The following LRRC7 variants were observed in gnomAD, a reference collection of about 807,000 sequenced individuals.
LRRC7 encodes leucine rich repeat containing 7.
LRRC7 carries 23 observed loss-of-function variants against 175.7 expected under a neutral mutation model. The observed-to-expected ratio is 0.13, with a 90% CI of 0.09 to 0.19. The LOEUF is 0.19. Ranked by LOEUF, LRRC7 falls within the 10% of genes least tolerant of loss-of-function variation. The pLI is 1.00. For missense variants in LRRC7, 1,354 were observed against 1,904.7 expected (o/e 0.71, Z 5.38); for synonymous variants, 685 against 680.9 (o/e 1.01, Z -0.09).
Position 70,139,537 on chromosome 1 carries a change from C to G in LRRC7, c.*17650C>G, listed in dbSNP as rs745342314. On this transcript the variant is annotated 3_prime_UTR_variant, in exon 27 of 27. Coordinates refer to ENST00000651989, the MANE Select transcript of LRRC7 (RefSeq NM_001370785.2). ...TAGCCCTACCCATTGCCCAGGTGGA[C>G]GTTATGTTTTTAGTTTTTCCTTTGT... 2 of 152,070 alleles carry G rather than the reference C, an allele frequency of 1.3e-5. No homozygotes were observed. Among genetic ancestry groups the G allele is most frequent in the Non-Finnish European group, 2.9e-5 (2 of 68,032 alleles). The allele number at this position is 152,070 out of a possible 1,614,324, so 9.4% of individuals were successfully genotyped here.
At chr1:69,730,613 A>G (rs961995752) in intron 2 of LRRC7, among the ~76,000 whole-genome samples, 4 of 152,160 alleles carry the variant, frequency 2.6e-5, no homozygotes, top group African/African-American at 9.7e-5. Flanking sequence ...AGGCAACTCC[A>G]AACTTTTCCA....
chr1:70,102,861 C>T (rs1664890517), intron 25 of LRRC7, among the ~76,000 whole-genome samples: 2 of 152,108 alleles, frequency 1.3e-5, no homozygotes, highest in Admixed American at 1.3e-4. Context: ...ATGGTGAACA[C>T]AGACAGGTAA....
chr1:69,972,651 C>T (rs560275361), intron 8 of LRRC7, among the ~76,000 whole-genome samples: 21 of 152,090 alleles, frequency 1.4e-4, no homozygotes, highest in Admixed American at 3.3e-4. Flanking sequence ...GAAAGGGAAA[C>T]GCTTTTACAC....
chr1:69,978,932 GAAAAAAA>G (rs3069189), intron 8 of LRRC7, among the ~76,000 whole-genome samples: 1 of 126,146 alleles, frequency 7.9e-6, no homozygotes, highest in African/African-American at 2.9e-5. Context: ...GTTTCAGTTA[GAAAAAAA>G]AAAAAAAAAA....
intron 3 of LRRC7, among the ~76,000 whole-genome samples, chr1:69,790,541 G>A (rs139082941): frequency 5.3e-5 from 8 of 151,994 alleles, no homozygotes; most frequent in African/African-American, 1.7e-4. Context: ...TCAGACTAGA[G>A]AGTTGTTAGT....
chr1:69,983,915 G>C (rs1217916515), intron 9 of LRRC7, among the ~76,000 whole-genome samples: 1 of 151,984 alleles, frequency 6.6e-6, no homozygotes, highest in Non-Finnish European at 1.5e-5. Flanking sequence ...GCAGATCTGG[G>C]GTGGGTCTGA....
chr1:69,609,192 T>C (rs1310416893), intron 1 of LRRC7, among the ~76,000 whole-genome samples: 5 of 151,790 alleles, frequency 3.3e-5, no homozygotes, highest in African/African-American at 1.2e-4. Flanking sequence ...AATTTGTTTA[T>C]TACAGTTCTT....
At chr1:69,933,933 C>G (rs1647670016) in intron 8 of LRRC7, among the ~76,000 whole-genome samples, 1 of 152,008 alleles carries the variant, frequency 6.6e-6, no homozygotes, top group Non-Finnish European at 1.5e-5. Flanking sequence ...TTTCTATTTT[C>G]TTACTTTTGC....
chr1:70,112,180 CA>C (rs1158244630), intron 26 of LRRC7, among the ~76,000 whole-genome samples: 3 of 152,266 alleles, frequency 2.0e-5, no homozygotes, highest in Middle Eastern at 6.8e-3. Flanking sequence ...CTACTGTCAA[CA>C]ATAAGTCTAT....
chr1:69,976,390 A>G (rs1185090556), intron 8 of LRRC7, among the ~76,000 whole-genome samples: 1 of 152,160 alleles, frequency 6.6e-6, no homozygotes. Flanking sequence ...CCTGCTTTAT[A>G]TTCGCTGGCA....
intron 1 of LRRC7, among the ~76,000 whole-genome samples, chr1:69,570,613 T>C (rs1393661046): frequency 2.0e-5 from 3 of 152,168 alleles, no homozygotes; most frequent in Non-Finnish European, 4.4e-5. Context: ...CGTCCAGGCT[T>C]CCTTGAATTG....
intron 7 of LRRC7, among the ~76,000 whole-genome samples, chr1:69,925,651 C>G (rs964456435): frequency 7.9e-5 from 12 of 152,114 alleles, no homozygotes; most frequent in African/African-American, 2.9e-4. Context: ...GTGATATCCC[C>G]TTTATCATTT....
chr1:70,040,443 T>C (rs1659777721), intron 21 of LRRC7, among the ~76,000 whole-genome samples: 1 of 152,150 alleles, frequency 6.6e-6, no homozygotes, highest in African/African-American at 2.4e-5. Context: ...ACAAAAATAG[T>C]TGATGTCTTT....
At chr1:69,719,485 G>A (rs540990604) in intron 2 of LRRC7, among the ~76,000 whole-genome samples, 2 of 151,618 alleles carry the variant, frequency 1.3e-5, no homozygotes, top group East Asian at 3.9e-4. Context: ...AAGAAAATGA[G>A]ATTACATAAC....
At position 69,568,099 on chromosome 1, in the gene LRRC7, C is replaced by G. The variant is rs1281382504; in HGVS notation, c.-541C>G. 2.0e-5 allele frequency among the ~76,000 whole-genome samples: 3 copies of G among 152,176 alleles called. No homozygotes were observed. The highest frequency in any genetic ancestry group is 6.5e-5 in the Admixed American group (1 of 15,290). On this transcript the variant is annotated 5_prime_UTR_variant, in exon 1 of 27. Transcript: ENST00000651989. ...TCCTGCAGTTGCGGAGCGCTCAGCC[C>G]CTCCGAGACGCCCGCTGCGCCCTGG... is the stretch of plus-strand genomic sequence containing the variant.
In LRRC7 at chr1:70,128,137, T is replaced by A. The variant is rs1396669770; in HGVS notation, c.*6250T>A. ...CCACCACACTGGGCTAATTTTTGTA[T>A]TTTTAGTAGGGACAGGGTTTCACCG... On this transcript the variant is annotated 3_prime_UTR_variant, in exon 27 of 27. Transcript: ENST00000651989. 1.3e-5 allele frequency among the ~76,000 whole-genome samples: 2 copies of A among 152,118 alleles called. No individual in the cohort carries two copies. Among genetic ancestry groups the A allele is most frequent in the African/African-American group, 4.8e-5 (2 of 41,396 alleles).
At chr1:69,806,572 T>C (rs1239764226) in intron 4 of LRRC7, among the ~76,000 whole-genome samples, 1 of 152,034 alleles carries the variant, frequency 6.6e-6, no homozygotes, top group African/African-American at 2.4e-5. Context: ...GTTTCCCTTC[T>C]GAAATCTCCC....
intron 3 of LRRC7, among the ~76,000 whole-genome samples, chr1:69,768,790 T>C (rs1264809623): frequency 6.6e-6 from 1 of 152,234 alleles, no homozygotes. Context: ...GATTCCTCTA[T>C]AAGCCAGGAC....
chr1:69,679,346 T>A (rs917042869), intron 2 of LRRC7, among the ~76,000 whole-genome samples: 1 of 152,108 alleles, frequency 6.6e-6, no homozygotes, highest in Non-Finnish European at 1.5e-5. Context: ...TTAAGTAGAA[T>A]TTTAAGATTA....
Sources: gnomAD v4.1 joint callset for allele counts (sites outside exome capture counted in the v4.1 genomes callset) on GRCh38, gnomAD v4.1.1 for gene constraint, MANE v1.5 for transcripts, NCBI Gene and HGNC (gene_info 2026-07-23, HGNC 2026-07-21) for gene names.